FARP2: variants seen among roughly 807,000 people sequenced by gnomAD.
FARP2 encodes the protein FERM, ARH/RhoGEF and pleckstrin domain protein 2.
A neutral mutation model predicts 130.5 loss-of-function variants in FARP2; 111 were observed. The observed-to-expected ratio is 0.85, with a 90% CI of 0.73 to 1.00. The LOEUF (loss-of-function observed/expected upper bound fraction) is 1.00, where lower values mean the gene tolerates loss of function less well. FARP2 is among the 50% of genes least tolerant of loss of function. The pLI, the probability that FARP2 is intolerant of heterozygous loss-of-function variation, is 0.00. For synonymous variants in FARP2, 504 were observed against 516.9 expected, an observed-to-expected ratio of 0.98 and a Z score of 0.34; for missense variants, 1,385 against 1,346.3, an observed-to-expected ratio of 1.03 and a Z score of -0.45.
At chr2:241,363,330 G>A (rs953837518) in intron 1 of FARP2, among the ~76,000 whole-genome samples, 26 of 152,216 alleles carry the variant, frequency 1.7e-4, no homozygotes, top group African/African-American at 5.3e-4. Flanking sequence ...AGGGAATGGG[G>A]AAAACCCCAG....
chr2:241,422,400 A>G (rs757650232), intron 8 of FARP2, among the ~76,000 whole-genome samples: 10 of 150,370 alleles, frequency 6.7e-5, no homozygotes, highest in Non-Finnish European at 1.5e-4. Flanking sequence ...GAGACCCTGT[A>G]TCAAAAAAAA....
At chr2:241,376,951 G>A (rs1279182718) in intron 2 of FARP2, among the ~76,000 whole-genome samples, 1 of 152,208 alleles carries the variant, frequency 6.6e-6, no homozygotes, top group Non-Finnish European at 1.5e-5. Flanking sequence ...ACAGGGCCTT[G>A]CTGAGTAAAC....
intron 2 of FARP2, among the ~76,000 whole-genome samples, chr2:241,397,831 C>CTTT (rs397868255): frequency 7.3e-4 from 89 of 122,636 alleles, no homozygotes; most frequent in Middle Eastern, 4.3e-3. Context: ...ACCTTTTTTC[C>CTTT]TTTTTTTTTT....
At chr2:241,452,838 G>C (rs2063698203) in intron 13 of FARP2, among the ~76,000 whole-genome samples, 1 of 151,456 alleles carries the variant, frequency 6.6e-6, no homozygotes, top group South Asian at 2.1e-4. Flanking sequence ...CTACTCGGGA[G>C]GCTGAGGCAC....
intron 19 of FARP2, among the ~76,000 whole-genome samples, chr2:241,477,123 CTTTTTTTT>C (rs71406462): frequency 8.2e-6 from 1 of 122,648 alleles, no homozygotes; most frequent in African/African-American, 3.1e-5. Context: ...ATTCATGTTC[CTTTTTTTT>C]TTTTTTTTTT....
Position 241,366,106 on chromosome 2 carries a change from T to TATATATATATATACATATATATATAC in FARP2, c.-24-6965_-24-6964insCATATATATATACATATATATATATA, listed in dbSNP as rs1575452843. Among the ~76,000 whole-genome samples the TATATATATATATACATATATATATAC allele has an allele frequency of 7.4e-4, 27 of 36,386 alleles. 2 individuals carry two copies. The highest frequency in any genetic ancestry group is 2.4e-3 in the South Asian group (3 of 1,252). The allele number at this position is 36,386 out of a possible 152,430, so 23.9% of individuals were successfully genotyped here. On this transcript the variant is annotated intron_variant, in intron 1 of 26. Transcript: ENST00000264042. Reference sequence around the variant, plus strand: ...CTCATCACTACTAAAAAAAAAAAAATATATATATATATATACGTATATATA... The same window carrying TATATATATATATACATATATATATAC: ...CTCATCACTACTAAAAAAAAAAAAATATATATATATATACATATATATATACATATATATATATATACGTATATATA...
chr2:241,370,098 T>C (rs1218651555), intron 1 of FARP2, among the ~76,000 whole-genome samples: 1 of 152,116 alleles, frequency 6.6e-6, no homozygotes, highest in East Asian at 1.9e-4. Context: ...TAAGAAGAAA[T>C]AAGATCTATT....
At chr2:241,369,109 G>A (rs930657689) in intron 1 of FARP2, among the ~76,000 whole-genome samples, 1 of 152,016 alleles carries the variant, frequency 6.6e-6, no homozygotes, top group Non-Finnish European at 1.5e-5. Flanking sequence ...TGAAAATGAG[G>A]ATGTAAGTCG....
intron 1 of FARP2, among the ~76,000 whole-genome samples, chr2:241,370,038 G>C (rs1437034097): frequency 6.6e-6 from 1 of 152,202 alleles, no homozygotes; most frequent in Non-Finnish European, 1.5e-5. Flanking sequence ...GGGAAGGGTA[G>C]TAGGGGGTGG....
chr2:241,479,650 C>T (rs1326307036), intron 19 of FARP2, among the ~76,000 whole-genome samples: 1 of 152,254 alleles, frequency 6.6e-6, no homozygotes, highest in East Asian at 1.9e-4. Context: ...TGTGGATAGA[C>T]TCCCCAGTGC....
At chr2:241,365,475 C>T (rs2061283249) in intron 1 of FARP2, among the ~76,000 whole-genome samples, 1 of 152,144 alleles carries the variant, frequency 6.6e-6, no homozygotes, top group African/African-American at 2.4e-5. Context: ...ATTCGTATTT[C>T]TCTGATCTGT....
At chr2:241,365,274 A>G (rs1047529944) in intron 1 of FARP2, among the ~76,000 whole-genome samples, 4 of 152,178 alleles carry the variant, frequency 2.6e-5, no homozygotes, top group Non-Finnish European at 4.4e-5. Context: ...TTTTTCCTGT[A>G]CCCACTTCCA....
At position 241,456,803 on chromosome 2, in the gene FARP2, C is replaced by A. The variant is rs34059254; in HGVS notation, c.1468C>A (p.Leu490Met). Residue 490 changes from leucine (L) to methionine (M), a missense_variant, in exon 14 of 27, where the codon CTG becomes ATG. Coordinates refer to ENST00000264042, the MANE Select transcript of FARP2 (RefSeq NM_014808.4). ...CTCCAGCCGGAAGAGCCCCCTGAGT[C>A]TGAGCCCTGCATTTCAGGTGCCTTT... is the stretch of plus-strand genomic sequence containing the variant. The part of the protein sequence containing the change: ...SPSSRKSPLS[L>M]SPAFQVPLGP... The A allele has an allele frequency of 2.5e-6, 4 of 1,614,140 alleles. No individual in the cohort carries two copies. In the Admixed American group the frequency reaches 6.7e-5, roughly 27 times the overall value.
intron 17 of FARP2, among the ~76,000 whole-genome samples, chr2:241,467,184 A>G (rs1272305312): frequency 2.0e-5 from 3 of 152,186 alleles, no homozygotes; most frequent in African/African-American, 7.2e-5. Flanking sequence ...GAGACCAGGG[A>G]GGTTGAGGCT....
intron 24 of FARP2, 109 bp from the exon 25 acceptor site, chr2:241,492,820 G>A: frequency 1.5e-6 from 1 of 673,892 alleles, no homozygotes; most frequent in Non-Finnish European, 2.7e-6. Context: ...GTAAAACCAA[G>A]GCCTCAGCTG....
intron 19 of FARP2, 65 bp from the exon 20 acceptor site, chr2:241,483,400 C>T (rs1052942783): frequency 9.8e-5 from 135 of 1,380,622 alleles, no homozygotes; most frequent in Non-Finnish European, 1.3e-4. Flanking sequence ...TGACCCTCAG[C>T]CCGGCTAGTG....
intron 24 of FARP2, chr2:241,492,694 T>C: frequency 4.1e-6 from 2 of 483,586 alleles, no homozygotes; most frequent in Non-Finnish European, 7.4e-6. Flanking sequence ...CTGACTTTAT[T>C]GTGCACAGGG....
chr2:241,442,746 C>A, intron 13 of FARP2: 1 of 323,770 alleles, frequency 3.1e-6, no homozygotes, highest in Non-Finnish European at 6.0e-6. Flanking sequence ...GGTCTTAGAC[C>A]TGAGTACTCC....
At chr2:241,481,999 A>G (rs908517799) in intron 19 of FARP2, among the ~76,000 whole-genome samples, 9 of 152,228 alleles carry the variant, frequency 5.9e-5, no homozygotes, top group Admixed American at 2.0e-4. Flanking sequence ...CTCTAAAGTC[A>G]TGTCTGGATA....
Sources: gnomAD v4.1 joint callset for allele counts (sites outside exome capture counted in the v4.1 genomes callset) on GRCh38, gnomAD v4.1.1 for gene constraint, MANE v1.5 for transcripts, NCBI Gene and HGNC (gene_info 2026-07-23, HGNC 2026-07-21) for gene names.